Variants in MRPL43 observed in about 807,000 individuals in gnomAD.
MRPL43 encodes the protein mitochondrial ribosomal protein L43.
A neutral mutation model predicts 12.7 loss-of-function variants in MRPL43; 9 were observed. The observed-to-expected ratio is 0.71, with a 90% CI of 0.43 to 1.24. The LOEUF (loss-of-function observed/expected upper bound fraction) is 1.24, where lower values mean the gene tolerates loss of function less well. MRPL43 is among the 50% of genes most tolerant of loss of function. MRPL43 has a pLI of 0.00. For synonymous variants in MRPL43, 116 were observed against 96.4 expected (o/e 1.20, Z -1.19); for missense variants, 211 against 229.2 (o/e 0.92, Z 0.51).
downstream of MRPL43, chr10:100,978,047 G>T (rs1850878002): frequency 3.5e-6 from 2 of 576,404 alleles, no homozygotes; most frequent in Non-Finnish European, 3.1e-6. Context: ...TAGGGGCTCA[G>T]ATGTTCTTCA....
downstream of MRPL43, chr10:100,984,319 C>T: frequency 2.1e-6 from 3 of 1,440,074 alleles, no homozygotes; most frequent in Non-Finnish European, 2.7e-6. Flanking sequence ...TCCACAGACC[C>T]ACATGTGAGC....
At chr10:100,984,328 G>A (rs1851311226), downstream of MRPL43, 2 of 1,439,662 alleles carry the variant, frequency 1.4e-6, no homozygotes, top group Admixed American at 5.7e-5. Flanking sequence ...CCACATGTGA[G>A]CAGCCCAGGC....
At chr10:100,983,298 C>A, downstream of MRPL43, 1 of 1,521,282 alleles carries the variant, frequency 6.6e-7, no homozygotes. Context: ...TCCCCCAAAC[C>A]CCACAGGGCC....
chr10:100,979,151 T>C, downstream of MRPL43: 1 of 1,614,194 alleles, frequency 6.2e-7, no homozygotes. Context: ...ACTTCCTTCC[T>C]GAAAGCCCGT....
downstream of MRPL43, chr10:100,980,096 T>C: frequency 6.2e-7 from 1 of 1,613,284 alleles, no homozygotes; most frequent in Non-Finnish European, 8.5e-7. Flanking sequence ...AGTCCCGAGG[T>C]TCACCACCTT....
downstream of MRPL43, chr10:100,983,620 T>C: frequency 6.2e-7 from 1 of 1,614,076 alleles, no homozygotes; most frequent in Non-Finnish European, 8.5e-7. Context: ...GGGGCACAGC[T>C]GGCACCTGAT....
downstream of MRPL43, chr10:100,980,380 C>T: frequency 1.9e-6 from 3 of 1,580,098 alleles, no homozygotes; most frequent in Non-Finnish European, 2.6e-6. Flanking sequence ...CCTGTTGGCC[C>T]TGATCACTAA....
At chr10:100,978,237 T>G, downstream of MRPL43, 4 of 1,328,426 alleles carry the variant, frequency 3.0e-6, no homozygotes, top group Non-Finnish European at 4.3e-6. Flanking sequence ...GATCTGACTT[T>G]GAGCCACTGT....
chr10:100,979,733 T>C, downstream of MRPL43: 1 of 1,213,774 alleles, frequency 8.2e-7, no homozygotes. Flanking sequence ...GGAGAGGCCC[T>C]GTGGGACTAT....
downstream of MRPL43, chr10:100,978,334 G>A (rs1362954670): frequency 1.2e-6 from 2 of 1,613,738 alleles, no homozygotes; most frequent in African/African-American, 1.3e-5. Flanking sequence ...CTTCGAGGAG[G>A]GGAAGGAGAA....
chr10:100,983,978 G>A, downstream of MRPL43: 2 of 1,611,672 alleles, frequency 1.2e-6, no homozygotes, highest in Non-Finnish European at 1.7e-6. Context: ...CCAGCCGGCT[G>A]CGGAGGATGA....
At chr10:100,982,148 T>C (rs1357948691), downstream of MRPL43, among the ~76,000 whole-genome samples, 1 of 151,558 alleles carries the variant, frequency 6.6e-6, no homozygotes, top group Non-Finnish European at 1.5e-5. Context: ...CACTATACTA[T>C]GCTATCTCCC....
chr10:100,982,277 G>A (rs561428729), downstream of MRPL43, among the ~76,000 whole-genome samples: 3 of 152,158 alleles, frequency 2.0e-5, no homozygotes, highest in East Asian at 5.8e-4. Flanking sequence ...GGACAAGTGG[G>A]CAAAGGCCAT....
downstream of MRPL43, chr10:100,983,785 C>T (rs777161655): frequency 2.5e-5 from 40 of 1,606,954 alleles, no homozygotes; most frequent in South Asian, 2.6e-4. Context: ...GGAGGATCTG[C>T]GGTGCAACTG....
downstream of MRPL43, chr10:100,980,496 A>G (rs1000263318): frequency 9.3e-6 from 13 of 1,393,236 alleles, no homozygotes; most frequent in African/African-American, 2.8e-5. Context: ...AGGACTCCTG[A>G]GCTGTTCGTA....
chr10:100,981,464 T>TA, downstream of MRPL43: 1 of 1,614,192 alleles, frequency 6.2e-7, no homozygotes, highest in Middle Eastern at 1.6e-4. Flanking sequence ...TTCTGGAGCT[T>TA]ATAGCCAAGT....
At chr10:100,980,028 C>G, downstream of MRPL43, 1 of 1,613,862 alleles carries the variant, frequency 6.2e-7, no homozygotes, top group South Asian at 1.1e-5. Context: ...GCTGAGTAGA[C>G]AGAGCCCAGG....
chr10:100,979,067 C>T (rs1850930897), downstream of MRPL43: 1 of 1,613,070 alleles, frequency 6.2e-7, no homozygotes, highest in Non-Finnish European at 8.5e-7. Context: ...GGACCTCTGA[C>T]CCTGGCCCCT....
Position 100,986,801 on chromosome 10 carries a change from G to T in MRPL43, c.413C>A (p.Thr138Asn). Residue 138 changes from threonine (T) to asparagine (N), a missense_variant, in exon 3 of 3, where the codon ACC becomes AAC. Transcript: ENST00000318364. ...GQWHPFTNKPTTFRGLRPREV... is the reference protein window; with the variant it reads ...GQWHPFTNKPNTFRGLRPREV... ...TCGGGGGCGTAGCCCGCGGAACGTG[G>T]TCGGCTTGTTGGTGAAGGGGTGCCA... 6.2e-7 allele frequency: 1 copy of T among 1,613,940 alleles called. No individual in the cohort carries two copies. The highest frequency in any genetic ancestry group is 1.3e-5 in the African/African-American group (1 of 75,076).
Sources: allele counts gnomAD v4.1 joint callset (sites outside exome capture counted in the v4.1 genomes callset), GRCh38; gene constraint gnomAD v4.1.1; transcripts MANE v1.5; gene names NCBI Gene and HGNC (gene_info 2026-07-23, HGNC 2026-07-21).